The following OTOG variants were observed in gnomAD, a reference collection of about 807,000 sequenced individuals.
The protein encoded by OTOG is otogelin.
OTOG carries 296 observed loss-of-function variants against 313.8 expected under a neutral mutation model. The observed-to-expected ratio is 0.94, with a 90% CI of 0.86 to 1.04. OTOG has a LOEUF of 1.04. Among genes scored for constraint, OTOG ranks in the 50% least tolerant of loss-of-function variants. OTOG has a pLI of 0.00. For missense variants in OTOG, 3,948 were observed against 3,840.1 expected, an observed-to-expected ratio of 1.03 and a Z score of -0.74; for synonymous variants, 1,533 against 1,554.9, an observed-to-expected ratio of 0.99 and a Z score of 0.33.
chr11:17,559,705 G>A lies in OTOG; in HGVS notation c.1342+43G>A, dbSNP rs145649198. 1.3e-3 allele frequency: 1,940 copies of A among 1,547,806 alleles called. 28 individuals are homozygous for A. In the African/African-American group the frequency reaches 0.023, roughly 19 times the overall value. ...GTAGGTGCCTGGCACCATCTTCCTG[G>A]CCTGGCACAGATGGCCACGAAACAG... is the stretch of plus-strand genomic sequence containing the variant. On this transcript the variant is annotated intron_variant, in intron 12 of 55. Coordinates refer to ENST00000399397, the MANE Select transcript of OTOG (RefSeq NM_001292063.2).
At chr11:17,613,786 C>T in intron 39 of OTOG, 85 bp downstream of exon 39, 1 of 1,107,032 alleles carries the variant, frequency 9.0e-7, no homozygotes, top group Non-Finnish European at 1.3e-6. Flanking sequence ...GGCTGTGAGG[C>T]TGAATCATGA....
intron 41 of OTOG, 33 bp from the exon 42 acceptor site, chr11:17,632,055 G>A (rs946740020): frequency 6.5e-6 from 10 of 1,546,038 alleles, no homozygotes; most frequent in African/African-American, 4.1e-5. Context: ...TGTGCCATCC[G>A]AGTAACCAGC....
chr11:17,632,036 A>G lies in OTOG; in HGVS notation c.6934-52A>G, dbSNP rs116359868. 6,350 of 1,543,104 alleles carry G rather than the reference A, an allele frequency of 4.1e-3. 225 individuals carry two copies. The African/African-American group carries it at 0.074, about 18-fold the overall frequency. ...TGGGCAGGGAGGGGAGGAGCTGGGC[A>G]CTGGGATATGTGCCATCCGAGTAAC... On this transcript the variant is annotated intron_variant, in intron 41 of 55. Transcript: ENST00000399397.
At chr11:17,636,086 G>A (rs539210423) in intron 47 of OTOG, among the ~76,000 whole-genome samples, 5 of 152,306 alleles carry the variant, frequency 3.3e-5, no homozygotes, top group Non-Finnish European at 7.4e-5. Context: ...CATAGTGCCC[G>A]CTCCTGGAGG....
intron 4 of OTOG, 149 bp downstream of exon 4, chr11:17,552,224 G>A (rs1254631976): frequency 7.8e-6 from 6 of 767,664 alleles, no homozygotes; most frequent in African/African-American, 1.7e-5. Context: ...TCTGGCCCCG[G>A]CCACCATGCC....
At position 17,640,979 on chromosome 11, in the gene OTOG, T is replaced by C; in HGVS notation, c.8078T>C (p.Leu2693Pro). The C allele has an allele frequency of 6.5e-7, 1 of 1,548,532 alleles. No homozygotes were observed. The highest frequency in any genetic ancestry group is 8.7e-7 in the Non-Finnish European group (1 of 1,146,974). The change falls in exon 51 of 56, where the codon CTC becomes CCC. Residue 2693 changes from leucine to proline, a missense_variant. Leu to Pro is a moderately conservative substitution (Grantham distance 98, BLOSUM62 -3). Coordinates refer to ENST00000399397, the MANE Select transcript of OTOG (RefSeq NM_001292063.2). ...CAGCCCGGCCAGACAGTGGTGGAGCTCTCAGCAGATGGCGTGTGCCACACC... is the reference window on the plus strand; with the variant it reads ...CAGCCCGGCCAGACAGTGGTGGAGCCCTCAGCAGATGGCGTGTGCCACACC... Reference protein sequence around the residue: ...VMQPGQTVVELSADGVCHTSR... With the variant: ...VMQPGQTVVEPSADGVCHTSR...
intron 24 of OTOG, 147 bp from the exon 25 acceptor site, chr11:17,591,303 T>C: frequency 8.8e-7 from 1 of 1,130,846 alleles, no homozygotes; most frequent in Non-Finnish European, 1.2e-6. Context: ...AATCCTGCCC[T>C]CCAGGCTCCT....
intron 6 of OTOG, among the ~76,000 whole-genome samples, chr11:17,555,452 C>T (rs570505586): frequency 1.3e-5 from 2 of 151,980 alleles, no homozygotes; most frequent in African/African-American, 2.4e-5. Flanking sequence ...GATGGTATTT[C>T]CTGGGTAGGA....
At chr11:17,582,582 T>A (rs1163465445) in intron 23 of OTOG, among the ~76,000 whole-genome samples, 2 of 152,230 alleles carry the variant, frequency 1.3e-5, no homozygotes, top group Admixed American at 6.5e-5. Context: ...ATTTTACACG[T>A]CCAGTATATG....
At chr11:17,599,439 T>G (rs141267323) in intron 30 of OTOG, among the ~76,000 whole-genome samples, 1 of 152,352 alleles carries the variant, frequency 6.6e-6, no homozygotes, top group Non-Finnish European at 1.5e-5. Flanking sequence ...CTGAGGTGCC[T>G]ACTGTGTGCC....
intron 39 of OTOG, among the ~76,000 whole-genome samples, chr11:17,614,295 G>A (rs1002032499): frequency 6.6e-6 from 1 of 152,150 alleles, no homozygotes; most frequent in Non-Finnish European, 1.5e-5. Context: ...CCTTCCTTTT[G>A]GAATCTGCCC....
chr11:17,587,186 T>C (rs1031969393), intron 24 of OTOG, among the ~76,000 whole-genome samples: 2 of 152,226 alleles, frequency 1.3e-5, no homozygotes, highest in African/African-American at 4.8e-5. Context: ...TGTATGAAAG[T>C]ACGTGTGAGG....
intron 7 of OTOG, 87 bp downstream of exon 7, chr11:17,555,984 A>G (rs527916578): frequency 1.9e-6 from 2 of 1,068,952 alleles, no homozygotes; most frequent in East Asian, 2.6e-5. Flanking sequence ...CTCAAGCCCA[A>G]AGGAAATTGT....
At chr11:17,550,027 T>TCCC (rs1851900635) in intron 3 of OTOG, among the ~76,000 whole-genome samples, 1 of 152,168 alleles carries the variant, frequency 6.6e-6, no homozygotes, top group Non-Finnish European at 1.5e-5. Context: ...TAGACAGGGG[T>TCCC]CCATGGATGG....
intron 15 of OTOG, among the ~76,000 whole-genome samples, chr11:17,568,172 G>A (rs1048106567): frequency 3.9e-5 from 6 of 152,166 alleles, no homozygotes; most frequent in African/African-American, 1.2e-4. Context: ...CTCCCAGAGT[G>A]CTGAGATTAC....
At position 17,551,989 on chromosome 11, in the gene OTOG, G is replaced by C. The variant is rs1365586176; in HGVS notation, c.217-11G>C. ...GCCCTCGATGTGTTCTCTTCCTCCT[G>C]TCTTCACAAGCAGGCTGAAGCCCCA... is the stretch of plus-strand genomic sequence containing the variant. On this transcript the variant is annotated splice_polypyrimidine_tract_variant and intron_variant, in intron 3 of 55. Coordinates refer to ENST00000399397, the MANE Select transcript of OTOG (RefSeq NM_001292063.2). The C allele has an allele frequency of 1.9e-6, 3 of 1,550,228 alleles. No homozygotes were observed. The highest frequency in any genetic ancestry group is 2.6e-6 in the Non-Finnish European group (3 of 1,146,816).
rs1264278186 is a variant in OTOG at position 17,629,331 on chromosome 11, A to T, written c.6712+15A>T. 4 of 1,539,500 alleles carry T rather than the reference A, an allele frequency of 2.6e-6. No homozygotes were observed. The highest frequency in any genetic ancestry group is 2.6e-6 in the Non-Finnish European group (3 of 1,140,948). The stretch of plus-strand genomic sequence containing the variant: ...TGGCCTGTGCGGTGAGGTGGAACCC[A>T]GCTTGCGGGGAGGGGATGCTTCCCA... On this transcript the variant is annotated intron_variant, in intron 40 of 55. Transcript: ENST00000399397.
At chr11:17,590,085 ACT>A (rs1182605325) in intron 24 of OTOG, among the ~76,000 whole-genome samples, 1 of 151,944 alleles carries the variant, frequency 6.6e-6, no homozygotes, top group African/African-American at 2.4e-5. Flanking sequence ...CCCTTGGTGA[ACT>A]CTCCCAATCT....
intron 23 of OTOG, among the ~76,000 whole-genome samples, chr11:17,584,530 AT>A (rs111398332): frequency 0.045 from 6,591 of 145,462 alleles, 396 homozygotes; most frequent in African/African-American, 0.13. Context: ...TTGTCATTTG[AT>A]TTTTTTTTTT....
Sources: gnomAD v4.1 joint callset for allele counts (sites outside exome capture counted in the v4.1 genomes callset) on GRCh38, gnomAD v4.1.1 for gene constraint, MANE v1.5 for transcripts, NCBI Gene and HGNC (gene_info 2026-07-23, HGNC 2026-07-21) for gene names.